ZC3H13: variants seen among roughly 807,000 people sequenced by gnomAD.
ZC3H13 encodes the protein zinc finger CCCH-type containing 13.
A neutral mutation model predicts 204.1 loss-of-function variants in ZC3H13; 64 were observed. That is an observed-to-expected ratio of 0.31 (90% CI 0.26 to 0.39). The LOEUF (loss-of-function observed/expected upper bound fraction) is 0.39. Among genes scored for constraint, ZC3H13 ranks in the 10% least tolerant of loss-of-function variants. The pLI, the probability that ZC3H13 is intolerant of heterozygous loss-of-function variation, is 1.00. For missense variants in ZC3H13, 1,833 were observed against 2,082.7 expected (o/e 0.88, Z 2.33); for synonymous variants, 667 against 693.7 (o/e 0.96, Z 0.60).
At chr13:46,015,335 C>T (rs1215131987) in intron 5 of ZC3H13, among the ~76,000 whole-genome samples, 1 of 151,912 alleles carries the variant, frequency 6.6e-6, no homozygotes, top group Admixed American at 6.6e-5. Context: ...TTTAACTAGG[C>T]CGTCTTTTTC....
In ZC3H13 at chr13:45,955,103, CGTCA is replaced by C. The variant is rs560315410; in HGVS notation, c.*2020_*2023del. ...TTATGGCAACTGGACAGACCTGAGC[CGTCA>C]GTTATGAGATAGATGACCTTTTAAT... On this transcript the variant is annotated 3_prime_UTR_variant, in exon 19 of 19. Transcript: ENST00000679008. 265 of 152,262 alleles carry C rather than the reference CGTCA, an allele frequency of 1.7e-3. No individual in the cohort carries two copies. Among genetic ancestry groups the C allele is most frequent in the African/African-American group, 6.2e-3 (257 of 41,542 alleles). The allele number at this position is 152,262 out of a possible 1,614,324, so 9.4% of individuals were successfully genotyped here. A position where few individuals can be genotyped will look rare whatever the true frequency, so the allele number is the denominator to read the frequency against.
intron 10 of ZC3H13, among the ~76,000 whole-genome samples, chr13:45,983,432 T>A: frequency 1.3e-5 from 1 of 79,388 alleles, no homozygotes; most frequent in South Asian, 3.9e-4. Context: ...TTTTTTTTTT[T>A]TTTTTTTTTT....
At chr13:46,018,840 T>A (rs2042062715) in intron 5 of ZC3H13, among the ~76,000 whole-genome samples, 1 of 152,120 alleles carries the variant, frequency 6.6e-6, no homozygotes, top group South Asian at 2.1e-4. Context: ...TTTTAAAATG[T>A]TTTTTATGCA....
intron 17 of ZC3H13, chr13:45,962,877 A>G: frequency 1.0e-6 from 1 of 985,358 alleles, no homozygotes; most frequent in African/African-American, 1.7e-5. Flanking sequence ...GTAAGTTGCA[A>G]AATAAACTAA....
chr13:46,005,233 T>G (rs2041049309), intron 7 of ZC3H13, among the ~76,000 whole-genome samples: 1 of 152,228 alleles, frequency 6.6e-6, no homozygotes, highest in South Asian at 2.1e-4. Flanking sequence ...ACTGTTTCAA[T>G]CTGAAACTTC....
Position 46,011,399 on chromosome 13 carries a change from G to T in ZC3H13, c.588+16C>A. 6.3e-7 allele frequency: 1 copy of T among 1,591,964 alleles called. No individual in the cohort carries two copies. On this transcript the variant is annotated intron_variant, in intron 6 of 18. Transcript: ENST00000679008. The stretch of plus-strand genomic sequence containing the variant: ...GCTATTAAGTACTAACATATTTATT[G>T]CAATAAATAGCATACCTCCTTTTTA...
Position 46,051,582 on chromosome 13 carries a change from A to G in ZC3H13, c.-10+822T>C, listed in dbSNP as rs17067577. Among the ~76,000 whole-genome samples, 1,329 of 152,352 alleles carry G rather than the reference A, an allele frequency of 8.7e-3. 41 individuals carry two copies. The highest frequency in any genetic ancestry group is 0.063 in the Admixed American group (960 of 15,298). ...ACCATATACCCATAGACTGAACTGC[A>G]TAAGTATTTATTCTCCAACGGTATC... On this transcript the variant is annotated intron_variant, in intron 1 of 18. Transcript: ENST00000679008.
At chr13:46,022,206 T>C (rs1440650703) in intron 4 of ZC3H13, among the ~76,000 whole-genome samples, 2 of 151,898 alleles carry the variant, frequency 1.3e-5, no homozygotes, top group Non-Finnish European at 1.5e-5. Flanking sequence ...CCAATATGAC[T>C]CTGATGCTAC....
chr13:45,998,665 G>A (rs2040518585), intron 8 of ZC3H13, among the ~76,000 whole-genome samples: 1 of 151,516 alleles, frequency 6.6e-6, no homozygotes, highest in South Asian at 2.1e-4. Context: ...AAAAATAAAA[G>A]TACATAACTT....
chr13:46,022,950 C>T (rs2042307578), intron 4 of ZC3H13, among the ~76,000 whole-genome samples: 1 of 152,104 alleles, frequency 6.6e-6, no homozygotes, highest in Admixed American at 6.6e-5. Flanking sequence ...AAATGTAATA[C>T]ATGATTTTAG....
rs1361346460 is a variant in ZC3H13 at position 46,010,415 on chromosome 13, A to C, written c.679T>G (p.Ser227Ala). The C allele has an allele frequency of 6.2e-7, 1 of 1,613,906 alleles. No homozygotes were observed. The highest frequency in any genetic ancestry group is 1.3e-5 in the African/African-American group (1 of 75,046). The change falls in exon 7 of 19, where the codon TCG becomes GCG. Residue 227 changes from serine to alanine, a missense_variant. This residue lies in a region of ZC3H13 where 1,574 missense variants were observed against 1,757.2 expected (regional missense o/e 0.90). Coordinates refer to ENST00000679008, the MANE Select transcript of ZC3H13 (RefSeq NM_001330564.2). Reference protein sequence around the residue: ...KSPKRKSSPKSSSASKKDRKT... With the variant: ...KSPKRKSSPKASSASKKDRKT... ...CTATCTTTCTTGCTAGCTGAAGACG[A>C]CTTCGGGCTTGATTTTCGCTTCGGA... is the stretch of plus-strand genomic sequence containing the variant.
intron 11 of ZC3H13, 59 bp from the exon 12 acceptor site, chr13:45,975,897 C>T: frequency 6.5e-7 from 1 of 1,533,416 alleles, no homozygotes; most frequent in Non-Finnish European, 8.7e-7. Context: ...ATTGGTAAGA[C>T]AGCATGGTAA....
At chr13:46,044,912 C>T in intron 3 of ZC3H13, 43 bp downstream of exon 3, 2 of 1,375,410 alleles carry the variant, frequency 1.5e-6, no homozygotes, top group Non-Finnish European at 2.0e-6. Context: ...TTACAAAAGC[C>T]ATCTTCTAAT....
At chr13:45,966,184 C>T (rs1952069577) in intron 15 of ZC3H13, among the ~76,000 whole-genome samples, 1 of 152,104 alleles carries the variant, frequency 6.6e-6, no homozygotes, top group Admixed American at 6.6e-5. Flanking sequence ...ATACACTTAA[C>T]GTTTACAATC....
chr13:45,970,053 T>A, intron 13 of ZC3H13, 82 bp from the exon 14 acceptor site: 1 of 1,483,872 alleles, frequency 6.7e-7, no homozygotes, highest in Non-Finnish European at 8.9e-7. Context: ...TAATTTCTCC[T>A]CACACCTGTA....
At chr13:46,044,320 T>C (rs2043795890) in intron 3 of ZC3H13, among the ~76,000 whole-genome samples, 1 of 152,096 alleles carries the variant, frequency 6.6e-6, no homozygotes, top group African/African-American at 2.4e-5. Flanking sequence ...TGACAAACTT[T>C]ATGTATATTA....
chr13:45,997,253 C>T (rs922461257), intron 8 of ZC3H13, among the ~76,000 whole-genome samples: 8 of 152,158 alleles, frequency 5.3e-5, no homozygotes, highest in African/African-American at 1.2e-4. Context: ...GATAGAATTT[C>T]GTATTAAACT....
chr13:45,957,412 T>C, intron 18 of ZC3H13, 115 bp from the exon 19 acceptor site: 1 of 1,014,730 alleles, frequency 9.9e-7, no homozygotes, highest in Non-Finnish European at 1.3e-6. Flanking sequence ...TCATTTTGGA[T>C]ATTAAATTAG....
At chr13:46,041,218 A>G (rs1161340054) in intron 4 of ZC3H13, among the ~76,000 whole-genome samples, 1 of 152,186 alleles carries the variant, frequency 6.6e-6, no homozygotes, top group Non-Finnish European at 1.5e-5. Context: ...ATGTGATATT[A>G]TCAATACAAT....
Sources: gnomAD v4.1 joint callset for allele counts (sites outside exome capture counted in the v4.1 genomes callset) on GRCh38, gnomAD v4.1.1 for gene constraint, gnomAD v4.1.1 regional missense constraint, MANE v1.5 for transcripts, NCBI Gene and HGNC (gene_info 2026-07-23, HGNC 2026-07-21) for gene names.